KIAA0319L: variants seen among roughly 807,000 people sequenced by gnomAD.
KIAA0319L encodes KIAA0319 like.
KIAA0319L carries 55 observed loss-of-function variants against 120.1 expected under a neutral mutation model. That is an observed-to-expected ratio of 0.46 (90% CI 0.37 to 0.57). The LOEUF (loss-of-function observed/expected upper bound fraction) is 0.57, where lower values mean the gene tolerates loss of function less well. Among genes scored for constraint, KIAA0319L ranks in the 20% least tolerant of loss-of-function variants. The pLI, the probability that KIAA0319L is intolerant of heterozygous loss-of-function variation, is 0.00. For synonymous variants in KIAA0319L, 398 were observed against 471.9 expected (o/e 0.84, Z 2.03); for missense variants, 1,049 against 1,255.3 (o/e 0.84, Z 2.48).
chr1:35,443,775 A>G (rs763694639), intron 17 of KIAA0319L, among the ~76,000 whole-genome samples: 10 of 152,136 alleles, frequency 6.6e-5, no homozygotes, highest in Non-Finnish European at 1.3e-4. Context: ...GATAAGTAAA[A>G]ATGACATCAT....
At chr1:35,435,397 G>C (rs1336740035) in intron 20 of KIAA0319L, 1 of 244,574 alleles carries the variant, frequency 4.1e-6, no homozygotes, top group Non-Finnish European at 7.7e-6. Flanking sequence ...TTTCAAATTT[G>C]GAATATTTTA....
At position 35,442,231 on chromosome 1, in the gene KIAA0319L, G is replaced by A; in HGVS notation, c.2870+15C>T. ...CAAGAAGCCCGAATGAATTTCAAAG[G>A]AAAATCCATCTTACCTCTTACAACA... On this transcript the variant is annotated intron_variant, in intron 19 of 20. Coordinates refer to ENST00000325722, the MANE Select transcript of KIAA0319L (RefSeq NM_024874.5). 1 of 1,590,868 alleles carries A rather than the reference G, an allele frequency of 6.3e-7. No individual in the cohort carries two copies.
At chr1:35,451,841 C>A in intron 12 of KIAA0319L, 65 bp from the exon 13 acceptor site, 1 of 1,523,688 alleles carries the variant, frequency 6.6e-7, no homozygotes, top group Non-Finnish European at 8.9e-7. Flanking sequence ...CCTAACTTAG[C>A]AGGAGGAGAC....
intron 2 of KIAA0319L, among the ~76,000 whole-genome samples, chr1:35,552,296 C>T (rs557668847): frequency 6.1e-4 from 93 of 152,156 alleles, no homozygotes; most frequent in African/African-American, 1.6e-3. Context: ...GAGCAGAGAT[C>T]GCACTGCGCC....
rs1386028206 is a variant in KIAA0319L, at chr1:35,474,860, G to A, written c.960C>T (p.Thr320=). 1 of 1,611,170 alleles carries A rather than the reference G, an allele frequency of 6.2e-7. No individual in the cohort carries two copies. Among genetic ancestry groups the A allele is most frequent in the East Asian group, 2.2e-5 (1 of 44,812 alleles). The change falls in exon 5 of 21, where the codon ACC becomes ACT. Residue 320 remains threonine (T), a synonymous_variant. Transcript: ENST00000325722. ...VVSAGESVQI[T]LPKNEVQLNA... The stretch of plus-strand genomic sequence containing the variant: ...TTAATTGAACTTCATTCTTAGGCAG[G>A]GTTATCTGGACACTCTCTCCAGCAG...
chr1:35,541,074 TG>T (rs1255552081), intron 2 of KIAA0319L, among the ~76,000 whole-genome samples: 4 of 152,104 alleles, frequency 2.6e-5, no homozygotes, highest in African/African-American at 9.7e-5. Context: ...CTCAAGTAGC[TG>T]GGACCACAGA....
chr1:35,482,227 A>C (rs1329738311), intron 3 of KIAA0319L, among the ~76,000 whole-genome samples: 4 of 152,144 alleles, frequency 2.6e-5, no homozygotes, highest in Non-Finnish European at 5.9e-5. Flanking sequence ...TATTTCACTC[A>C]GAAAAATTAT....
intron 2 of KIAA0319L, among the ~76,000 whole-genome samples, chr1:35,513,288 A>ATATATATATATATATATTTTT (rs1414704674): frequency 2.3e-5 from 2 of 85,336 alleles, no homozygotes; most frequent in Admixed American, 1.4e-4. Flanking sequence ...ATATATATAT[A>ATATATATATATATATATTTTT]TTTTTTTTTT....
At chr1:35,503,948 C>T (rs1303593716) in intron 3 of KIAA0319L, among the ~76,000 whole-genome samples, 4 of 148,904 alleles carry the variant, frequency 2.7e-5, no homozygotes, top group Non-Finnish European at 5.9e-5. Flanking sequence ...TGCAGTGGTG[C>T]AATCTCGGCT....
Position 35,435,252 on chromosome 1 carries a change from A to G in KIAA0319L, c.2963-171T>C, listed in dbSNP as rs976851973. Reference sequence around the variant, plus strand: ...TTCCCTAGTCCTTCTCCCGGGCCCAACTGGTTGGAACAGTCCACTAAGGGG... The same window carrying G: ...TTCCCTAGTCCTTCTCCCGGGCCCAGCTGGTTGGAACAGTCCACTAAGGGG... On this transcript the variant is annotated intron_variant, in intron 20 of 20. Transcript: ENST00000325722. 48 of 617,686 alleles carry G rather than the reference A, an allele frequency of 7.8e-5. 1 individual carries two copies. Among genetic ancestry groups the G allele is most frequent in the South Asian group, 2.4e-4 (12 of 50,976 alleles). 38.3% of individuals were successfully genotyped at this position (617,686 alleles called of 1,614,324 possible). A position where few individuals can be genotyped will look rare whatever the true frequency, so the allele number is the denominator to read the frequency against.
intron 3 of KIAA0319L, among the ~76,000 whole-genome samples, chr1:35,487,238 C>T (rs1254737779): frequency 6.6e-6 from 1 of 152,034 alleles, no homozygotes; most frequent in Non-Finnish European, 1.5e-5. Context: ...CAACTGATAT[C>T]TCTGTGTAGT....
chr1:35,482,587 G>A (rs1644221819), intron 3 of KIAA0319L, among the ~76,000 whole-genome samples: 4 of 152,004 alleles, frequency 2.6e-5, no homozygotes, highest in Non-Finnish European at 5.9e-5. Flanking sequence ...GTGCCACCAC[G>A]CCCAGCTAGT....
Position 35,450,024 on chromosome 1 carries a change from T to C in KIAA0319L, c.2215-19A>G, listed in dbSNP as rs1327169063. 1.9e-6 allele frequency: 3 copies of C among 1,613,770 alleles called. No homozygotes were observed. Among genetic ancestry groups the C allele is most frequent in the Non-Finnish European group, 8.5e-7 (1 of 1,179,774 alleles). On this transcript the variant is annotated intron_variant, in intron 14 of 20. Coordinates refer to ENST00000325722, the MANE Select transcript of KIAA0319L (RefSeq NM_024874.5). Reference sequence around the variant, plus strand: ...ACACCTCCTGTAGGGTTGAACAACATGGCTATGTTACAGAACAAAATGCCA... The same window carrying C: ...ACACCTCCTGTAGGGTTGAACAACACGGCTATGTTACAGAACAAAATGCCA...
intron 5 of KIAA0319L, among the ~76,000 whole-genome samples, chr1:35,472,294 T>C (rs1158842998): frequency 6.6e-6 from 1 of 152,136 alleles, no homozygotes; most frequent in Non-Finnish European, 1.5e-5. Flanking sequence ...GTTTGTTCTA[T>C]TGACTGACTG....
chr1:35,435,094 C>G lies in KIAA0319L; in HGVS notation c.2963-13G>C, dbSNP rs1297632074. The G allele has an allele frequency of 3.1e-6, 5 of 1,611,916 alleles. No individual in the cohort carries two copies. The African/African-American group carries it at 4.0e-5, about 13-fold the overall frequency. Reference sequence around the variant, plus strand: ...TTCTGTTTGATGCCTGCAGGGAAAACAAGGAATCCAGCATCAGGAGACTGG... The same window carrying G: ...TTCTGTTTGATGCCTGCAGGGAAAAGAAGGAATCCAGCATCAGGAGACTGG... On this transcript the variant is annotated splice_polypyrimidine_tract_variant and intron_variant, in intron 20 of 20. Transcript: ENST00000325722.
rs779905420 is a variant in KIAA0319L, at chr1:35,444,276, G to A, written c.2541C>T (p.Asn847=). The A allele has an allele frequency of 1.1e-5, 17 of 1,607,358 alleles. No individual in the cohort carries two copies. Among genetic ancestry groups the A allele is most frequent in the South Asian group, 4.5e-5 (4 of 89,600 alleles). Reference sequence around the variant, plus strand: ...CTTTGAAGATCTGGTGGGGAGGCTCGTTTTGAACAAAAAATACCATTTTGG... The same window carrying A: ...CTTTGAAGATCTGGTGGGGAGGCTCATTTTGAACAAAAAATACCATTTTGG... ...QSTKMVFFVQ[N]EPPHQIFKGH... The change falls in exon 17 of 21, where the codon AAC becomes AAT. Residue 847 remains asparagine, a synonymous_variant. Transcript: ENST00000325722.
chr1:35,479,241 A>T, intron 3 of KIAA0319L, 29 bp from the exon 4 acceptor site: 2 of 1,585,412 alleles, frequency 1.3e-6, no homozygotes, highest in Middle Eastern at 3.4e-4. Flanking sequence ...TAATTTGAGT[A>T]GGTAAAAGTT....
At chr1:35,538,826 T>G (rs897220778) in intron 2 of KIAA0319L, among the ~76,000 whole-genome samples, 17 of 152,070 alleles carry the variant, frequency 1.1e-4, no homozygotes, top group Admixed American at 9.8e-4. Flanking sequence ...TGTGTTTTTT[T>G]CTTATACCTC....
At chr1:35,520,203 A>G (rs987620597) in intron 2 of KIAA0319L, among the ~76,000 whole-genome samples, 1 of 152,026 alleles carries the variant, frequency 6.6e-6, no homozygotes, top group Non-Finnish European at 1.5e-5. Flanking sequence ...CCCGGGTTCA[A>G]GCAATTCTGC....
Sources: gnomAD v4.1 joint callset for allele counts (sites outside exome capture counted in the v4.1 genomes callset) on GRCh38, gnomAD v4.1.1 for gene constraint, MANE v1.5 for transcripts, NCBI Gene and HGNC (gene_info 2026-07-23, HGNC 2026-07-21) for gene names.